The following STK24 variants were observed in gnomAD, a reference collection of about 807,000 sequenced individuals.
The protein encoded by STK24 is serine/threonine kinase 24.
A neutral mutation model predicts 55.6 loss-of-function variants in STK24; 21 were observed. That is an observed-to-expected ratio of 0.38 (90% confidence interval 0.27 to 0.54). The LOEUF (loss-of-function observed/expected upper bound fraction) is 0.54. Ranked by LOEUF, STK24 falls within the 20% of genes least tolerant of loss-of-function variation. The probability of loss-of-function intolerance (pLI) is 0.79; values close to 1 mark genes in which losing one functional copy is unlikely to be tolerated. For missense variants in STK24, 383 were observed against 538.4 expected, an observed-to-expected ratio of 0.71 and a Z score of 2.86; for synonymous variants, 200 against 215.2, an observed-to-expected ratio of 0.93 and a Z score of 0.62.
chr13:98,469,543 C>CCG (rs1279668415), intron 5 of STK24, among the ~76,000 whole-genome samples: 4 of 136,242 alleles, frequency 2.9e-5, no homozygotes, highest in African/African-American at 7.8e-5. Context: ...ATCCCCCCCC[C>CCG]CAAAAAAAAA....
chr13:98,514,800 A>C (rs1274337302), intron 2 of STK24, among the ~76,000 whole-genome samples: 1 of 152,260 alleles, frequency 6.6e-6, no homozygotes, highest in African/African-American at 2.4e-5. Context: ...GCATGCTAAC[A>C]ATCTATTTTA....
rs1458712214 is a variant in STK24 at position 98,450,080 on chromosome 13, T to G, written c.*3093A>C. On this transcript the variant is annotated 3_prime_UTR_variant, in exon 11 of 11. Coordinates refer to ENST00000539966, the MANE Select transcript of STK24 (RefSeq NM_001032296.4). ...AAACTACTTGCTGGACACTGGTGGT[T>G]CTGACCTGTGACCAGCACCTCTGCT... 3 of 152,242 alleles carry G rather than the reference T, an allele frequency of 2.0e-5. No individual in the cohort carries two copies. The highest frequency in any genetic ancestry group is 2.9e-5 in the Non-Finnish European group (2 of 68,052). 9.4% of individuals were successfully genotyped at this position (152,242 alleles called of 1,614,324 possible).
intron 2 of STK24, among the ~76,000 whole-genome samples, chr13:98,508,586 T>A (rs1392418532): frequency 1.3e-5 from 2 of 152,114 alleles, no homozygotes; most frequent in Non-Finnish European, 2.9e-5. Context: ...GTAAACTTAT[T>A]GCTATTGTCC....
intron 2 of STK24, among the ~76,000 whole-genome samples, chr13:98,500,951 A>T (rs1387641611): frequency 6.6e-6 from 1 of 152,122 alleles, no homozygotes; most frequent in Non-Finnish European, 1.5e-5. Flanking sequence ...TTCTTACTAC[A>T]TCTGATGAGT....
chr13:98,523,752 C>T (rs1021825291), intron 1 of STK24, among the ~76,000 whole-genome samples: 3 of 152,252 alleles, frequency 2.0e-5, no homozygotes, highest in African/African-American at 7.2e-5. Flanking sequence ...GCTCAATCCA[C>T]AGAATCACGA....
At chr13:98,564,846 C>G (rs1398120006) in intron 1 of STK24, among the ~76,000 whole-genome samples, 2 of 152,102 alleles carry the variant, frequency 1.3e-5, no homozygotes, top group African/African-American at 2.4e-5. Context: ...TCAAGTCCAG[C>G]CTTGGCAACA....
intron 9 of STK24, 132 bp from the exon 10 acceptor site, chr13:98,457,436 T>C: frequency 1.5e-6 from 2 of 1,300,498 alleles, no homozygotes; most frequent in Non-Finnish European, 2.1e-6. Flanking sequence ...GGAAAAGCTT[T>C]GGCTAGGGCT....
intron 1 of STK24, among the ~76,000 whole-genome samples, chr13:98,559,875 C>T (rs1055389244): frequency 1.1e-4 from 17 of 151,676 alleles, no homozygotes; most frequent in African/African-American, 3.4e-4. Flanking sequence ...GGCACTGTGG[C>T]ATGCACCTGT....
Position 98,447,669 on chromosome 13 carries a change from A to G in STK24, c.*5504T>C, listed in dbSNP as rs1892936095. The G allele has an allele frequency of 6.5e-6, 1 of 154,270 alleles. No individual in the cohort carries two copies. The highest frequency in any genetic ancestry group is 6.4e-5 in the Admixed American group (1 of 15,618). 9.6% of individuals were successfully genotyped at this position (154,270 alleles called of 1,614,324 possible). A position where few individuals can be genotyped will look rare whatever the true frequency, so the allele number is the denominator to read the frequency against. On this transcript the variant is annotated 3_prime_UTR_variant, in exon 11 of 11. Transcript: ENST00000539966. Reference sequence around the variant, plus strand: ...TTGCACCCATTTGAGAAGCACCGGTAGAGAGCAAATACACAAATATATAAA... The same window carrying G: ...TTGCACCCATTTGAGAAGCACCGGTGGAGAGCAAATACACAAATATATAAA...
chr13:98,484,427 G>C (rs571564950), intron 2 of STK24, among the ~76,000 whole-genome samples: 1 of 152,254 alleles, frequency 6.6e-6, no homozygotes, highest in East Asian at 1.9e-4. Flanking sequence ...ACAGCAAGGG[G>C]AGCTCCCAGC....
At chr13:98,511,839 T>C (rs541947779) in intron 2 of STK24, among the ~76,000 whole-genome samples, 26 of 152,090 alleles carry the variant, frequency 1.7e-4, no homozygotes, top group African/African-American at 4.3e-4. Flanking sequence ...GTGGTACTTA[T>C]AAGAATCTAT....
intron 2 of STK24, among the ~76,000 whole-genome samples, chr13:98,495,049 C>T (rs2139331873): frequency 1.3e-5 from 2 of 152,340 alleles, no homozygotes; most frequent in South Asian, 2.1e-4. Flanking sequence ...CCGTCTAGCA[C>T]CCAGCAAACC....
At chr13:98,538,037 A>G (rs1896782837) in intron 1 of STK24, among the ~76,000 whole-genome samples, 2 of 151,778 alleles carry the variant, frequency 1.3e-5, no homozygotes, top group African/African-American at 4.8e-5. Context: ...TGTAGCTTCC[A>G]CCCTGGTTTT....
At chr13:98,493,839 ATT>A (rs781025749) in intron 2 of STK24, among the ~76,000 whole-genome samples, 22 of 141,510 alleles carry the variant, frequency 1.6e-4, no homozygotes, top group South Asian at 4.5e-4. Context: ...CAAAAAAAAA[ATT>A]TTTTTTTTTT....
At chr13:98,529,283 T>A (rs1896516913) in intron 1 of STK24, among the ~76,000 whole-genome samples, 1 of 152,084 alleles carries the variant, frequency 6.6e-6, no homozygotes, top group South Asian at 2.1e-4. Context: ...GCAAACCGCG[T>A]CATGGTTCTT....
chr13:98,475,988 G>A (rs1300894805), intron 3 of STK24, among the ~76,000 whole-genome samples: 2 of 152,018 alleles, frequency 1.3e-5, no homozygotes, highest in Non-Finnish European at 2.9e-5. Context: ...AGCTGAAAGA[G>A]CTTAAATCCT....
chr13:98,459,998 C>A (rs148713660), intron 9 of STK24, among the ~76,000 whole-genome samples: 6 of 152,300 alleles, frequency 3.9e-5, no homozygotes, highest in African/African-American at 1.4e-4. Context: ...CCGGAGGACT[C>A]CAGGGCATCC....
intron 2 of STK24, among the ~76,000 whole-genome samples, chr13:98,493,252 T>C (rs1233705922): frequency 6.6e-6 from 1 of 152,222 alleles, no homozygotes; most frequent in Non-Finnish European, 1.5e-5. Context: ...GCGTCCAATA[T>C]GTACAGAGAT....
chr13:98,570,524 T>C (rs141907091), intron 1 of STK24, among the ~76,000 whole-genome samples: 3 of 152,342 alleles, frequency 2.0e-5, no homozygotes, highest in African/African-American at 4.8e-5. Flanking sequence ...GTTCCCACAA[T>C]GTATTCAGAT....
Sources: allele counts gnomAD v4.1 joint callset (sites outside exome capture counted in the v4.1 genomes callset), GRCh38; gene constraint gnomAD v4.1.1; transcripts MANE v1.5; gene names NCBI Gene and HGNC (gene_info 2026-07-23, HGNC 2026-07-21).